The following LAIR1 variants were observed in gnomAD, a reference collection of about 807,000 sequenced individuals.
The protein encoded by LAIR1 is leukocyte associated immunoglobulin like receptor 1.
LAIR1 carries 24 observed loss-of-function variants against 32.8 expected under a neutral mutation model. That is an observed-to-expected ratio of 0.73 (90% CI 0.53 to 1.03). The LOEUF is 1.03. Ranked by LOEUF, LAIR1 falls within the 50% of genes least tolerant of loss-of-function variation. LAIR1 has a pLI of 0.00. For missense variants in LAIR1, 355 were observed against 347.5 expected, an observed-to-expected ratio of 1.02 and a Z score of -0.17; for synonymous variants, 150 against 140.5, an observed-to-expected ratio of 1.07 and a Z score of -0.48.
intron 2 of LAIR1, among the ~76,000 whole-genome samples, chr19:54,362,143 C>A (rs2082054943): frequency 6.6e-6 from 1 of 152,052 alleles, no homozygotes; most frequent in Non-Finnish European, 1.5e-5. Flanking sequence ...TATAACCTCA[C>A]TTTGCGTAGT....
chr19:54,361,707 T>C (rs10401367), intron 2 of LAIR1, among the ~76,000 whole-genome samples: 32,492 of 126,506 alleles, frequency 0.26, 4,001 homozygotes, highest in East Asian at 0.33. Flanking sequence ...TTTGAGGGTC[T>C]GGTGGGGTGA....
chr19:54,373,266 C>T (rs1601355143), upstream of LAIR1, among the ~76,000 whole-genome samples: 1 of 151,188 alleles, frequency 6.6e-6, no homozygotes, highest in Non-Finnish European at 1.5e-5. Flanking sequence ...CACGGTGAAA[C>T]CCCATCTCTA....
In LAIR1 at chr19:54,364,473, T is replaced by C. The variant is rs1439603939; in HGVS notation, c.35-143A>G. On this transcript the variant is annotated intron_variant, in intron 1 of 9. Transcript: ENST00000391742. The surrounding 1 kb of genome is among the most constrained non-coding windows in gnomAD (Gnocchi z 4.8). ...ACCCTCCTCGACATCACTGTCTCCA[T>C]GTAATCCTTCTTGCTGCAAAATGGT... 2.5e-6 allele frequency: 2 copies of C among 813,930 alleles called. No individual in the cohort carries two copies. Among genetic ancestry groups the C allele is most frequent in the South Asian group, 2.9e-5 (2 of 69,816 alleles). 50.4% of individuals were successfully genotyped at this position (813,930 alleles called of 1,614,324 possible).
At chr19:54,366,567 C>T (rs969684262), upstream of LAIR1, among the ~76,000 whole-genome samples, 2 of 152,134 alleles carry the variant, frequency 1.3e-5, no homozygotes, top group Non-Finnish European at 2.9e-5. Flanking sequence ...CGGCTCCCTG[C>T]AACCTCTGCC....
chr19:54,364,645 G>A lies in LAIR1; in HGVS notation c.34+126C>T, dbSNP rs760522888. The stretch of plus-strand genomic sequence containing the variant: ...ACTTAGGCCCCAGGGAGAGCAGCAG[G>A]GCAGTCTTGGGAGGAGGAGGACACT... On this transcript the variant is annotated intron_variant, in intron 1 of 9. Transcript: ENST00000391742. This position sits in a 1 kb window ranked among gnomAD's most constrained non-coding sequence, Gnocchi z 4.8. 122 of 899,714 alleles carry A rather than the reference G, an allele frequency of 1.4e-4. No individual in the cohort carries two copies. The highest frequency in any genetic ancestry group is 5.5e-4 in the East Asian group (23 of 41,706). 55.7% of individuals were successfully genotyped at this position (899,714 alleles called of 1,614,324 possible).
chr19:54,372,491 C>CTTT (rs35628063), upstream of LAIR1, among the ~76,000 whole-genome samples: 20 of 131,520 alleles, frequency 1.5e-4, 1 homozygote, highest in Middle Eastern at 4.1e-3. Context: ...TTCTTTCTTT[C>CTTT]TTTTTTTTTT....
chr19:54,361,133 G>T lies in LAIR1; in HGVS notation c.147C>A (p.Cys49Ter). Reference protein sequence around the residue: ...IPLGSHVTFVCRGPVGVQTFR... With the variant: ...IPLGSHVTFV Reference sequence around the variant, plus strand: ...ATGTTTGAACCCCAACCGGGCCCCGGCACACGAAAGTCACATGGCTCCCCA... The same window carrying T: ...ATGTTTGAACCCCAACCGGGCCCCGTCACACGAAAGTCACATGGCTCCCCA... The change falls in exon 3 of 10, where the codon TGC (cysteine) becomes TGA (stop). Residue 49 changes from cysteine (C) to a stop codon, truncating the protein, a stop_gained. Transcript: ENST00000391742. LOFTEE classifies it high-confidence loss of function. 6.2e-7 allele frequency: 1 copy of T among 1,614,180 alleles called. No individual in the cohort carries two copies. Among genetic ancestry groups the T allele is most frequent in the Non-Finnish European group, 8.5e-7 (1 of 1,180,014 alleles).
Position 54,355,338 on chromosome 19 carries a change from C to A in LAIR1, c.794G>T (p.Arg265Leu). The A allele has an allele frequency of 3.1e-6, 5 of 1,613,490 alleles. No individual in the cohort carries two copies. Among genetic ancestry groups the A allele is most frequent in the Non-Finnish European group, 4.2e-6 (5 of 1,179,686 alleles). ...DHWALTQRTARAVSPQSTKPM... is the reference protein window; with the variant it reads ...DHWALTQRTALAVSPQSTKPM... ...CTTTGTGGACTGTGGGGACACAGCC[C>A]GGGCTGTCCTCTGTGTGAGGGCCCA... Residue 265 changes from arginine to leucine, a missense_variant, in exon 10 of 10, where the codon CGG becomes CTG. By Grantham distance (102) the Arg-to-Leu change is moderately radical. Coordinates refer to ENST00000391742, the MANE Select transcript of LAIR1 (RefSeq NM_002287.6). This position sits in a 1 kb window ranked among gnomAD's most constrained non-coding sequence, Gnocchi z 4.7.
At chr19:54,369,407 C>T (rs1290703764), upstream of LAIR1, among the ~76,000 whole-genome samples, 2 of 151,582 alleles carry the variant, frequency 1.3e-5, no homozygotes, top group East Asian at 3.9e-4. Context: ...GCAGAATCGA[C>T]ATCCGTCTGT....
chr19:54,357,073 AC>A, intron 4 of LAIR1, 107 bp from the exon 5 acceptor site: 1 of 1,033,334 alleles, frequency 9.7e-7, no homozygotes, highest in Admixed American at 2.1e-5. Flanking sequence ...ACTCCCCAGG[AC>A]CCTGACTGCT....
the LAIR1 span, among the ~76,000 whole-genome samples, chr19:54,375,737 C>T: frequency 1.1e-4 from 16 of 150,130 alleles, no homozygotes; most frequent in East Asian, 3.9e-4. Flanking sequence ...TTTGTGTGAA[C>T]GAAAACATAC....
In LAIR1 at chr19:54,364,785, GC is replaced by G; in HGVS notation, c.19del (p.Ala7ProfsTer5). 6.2e-7 allele frequency: 1 copy of G among 1,614,030 alleles called. No homozygotes were observed. The highest frequency in any genetic ancestry group is 8.5e-7 in the Non-Finnish European group (1 of 1,179,914). Reference protein sequence around the residue: MSPHPTALLGLVLCLAQ... With the variant: MSPHPTXLLGLVLCLAQ... Reference sequence around the variant, plus strand: ...CCAGGACTCACCTAGGCCCAGGAGGGCGGTGGGGTGGGGAGACATGGCCCAG... The same window carrying G: ...CCAGGACTCACCTAGGCCCAGGAGGGGGTGGGGTGGGGAGACATGGCCCAG... On this transcript the variant is annotated frameshift_variant, in exon 1 of 10. Coordinates refer to ENST00000391742, the MANE Select transcript of LAIR1 (RefSeq NM_002287.6). LOFTEE classifies it high-confidence loss of function. This position sits in a 1 kb window ranked among gnomAD's most constrained non-coding sequence, Gnocchi z 4.8.
chr19:54,366,481 C>A (rs531531806), upstream of LAIR1, among the ~76,000 whole-genome samples: 1 of 151,990 alleles, frequency 6.6e-6, no homozygotes, highest in Non-Finnish European at 1.5e-5. Flanking sequence ...GGGTGTCTGG[C>A]GGAAGAAATT....
At position 54,361,067 on chromosome 19, in the gene LAIR1, A is replaced by C; in HGVS notation, c.213T>G (p.Thr71=). The change falls in exon 3 of 10, where the codon ACT becomes ACG. Residue 71 remains threonine (T), a synonymous_variant. Coordinates refer to ENST00000391742, the MANE Select transcript of LAIR1 (RefSeq NM_002287.6). ...ATGGACTAGCTTGAGACACATCTTC[A>C]GTATCATTGTATGTGGATCTACTGT... ...ERDSRSTYND[T]EDVSQASPSE... is the part of the protein sequence containing the mutation. The C allele has an allele frequency of 1.2e-6, 2 of 1,614,188 alleles. No individual in the cohort carries two copies. The highest frequency in any genetic ancestry group is 1.7e-6 in the Non-Finnish European group (2 of 1,180,024).
chr19:54,358,376 T>TTA (rs957460325), intron 4 of LAIR1: 17 of 164,276 alleles, frequency 1.0e-4, no homozygotes, highest in African/African-American at 1.7e-4. Flanking sequence ...ATTATCTTCC[T>TTA]TATATATATA....
At chr19:54,357,616 TCTC>T (rs2081787001) in intron 4 of LAIR1, 1 of 153,038 alleles carries the variant, frequency 6.5e-6, no homozygotes, top group African/African-American at 2.4e-5. Flanking sequence ...CCGCCCGTCA[TCTC>T]CTCCAACCTT....
rs2082147397 is a variant in LAIR1, at chr19:54,364,108, C to T, written c.70+187G>A. ...TGAAAATAAGAAAAGCAAAATAAGA[C>T]AGGTGGAGGATGCGAGAGAGAACTG... On this transcript the variant is annotated intron_variant, in intron 2 of 9. Coordinates refer to ENST00000391742, the MANE Select transcript of LAIR1 (RefSeq NM_002287.6). The surrounding 1 kb of genome is among the most constrained non-coding windows in gnomAD (Gnocchi z 4.8). 1.3e-5 allele frequency among the ~76,000 whole-genome samples: 2 copies of T among 152,002 alleles called. No homozygotes were observed. Among genetic ancestry groups the T allele is most frequent in the Admixed American group, 6.5e-5 (1 of 15,270 alleles).
At chr19:54,370,283 G>C in exon 1 of LAIR1, 1 of 1,544,766 alleles carries the variant, frequency 6.5e-7, no homozygotes, top group Non-Finnish European at 8.7e-7. Context: ...TCCATCTTCT[G>C]TCGCGGATGC....
rs889348938 is a variant in LAIR1, at chr19:54,351,496, C to T, written c.*3772G>A. 6.6e-6 allele frequency: 1 copy of T among 152,196 alleles called. No homozygotes were observed. The highest frequency in any genetic ancestry group is 6.5e-5 in the Admixed American group (1 of 15,276). The allele number at this position is 152,196 out of a possible 1,614,324, so 9.4% of individuals were successfully genotyped here. A position where few individuals can be genotyped will look rare whatever the true frequency, so the allele number is the denominator to read the frequency against. On this transcript the variant is annotated 3_prime_UTR_variant, in exon 10 of 10. Transcript: ENST00000391742. ...AATCTTTGGTGCAATCAAGTGCATA[C>T]TGCTTCCCAGATCCTACAAGAAAGG...
Sources: gnomAD v4.1 joint callset for allele counts (sites outside exome capture counted in the v4.1 genomes callset) on GRCh38, gnomAD v4.1.1 for gene constraint, Gnocchi (gnomAD v3.1) non-coding constraint, MANE v1.5 for transcripts, NCBI Gene and HGNC (gene_info 2026-07-23, HGNC 2026-07-21) for gene names.